Variants in DYTN observed in about 807,000 individuals in gnomAD.
DYTN encodes dystrotelin.
Under a neutral mutation model 69.6 loss-of-function variants are expected in DYTN, and 75 were observed. The ratio of observed to expected loss-of-function variants is 1.08; its 90% CI spans 0.89 to 1.31. The LOEUF (loss-of-function observed/expected upper bound fraction) is 1.31, where lower values mean the gene tolerates loss of function less well. Among genes scored for constraint, DYTN ranks in the 50% most tolerant of loss-of-function variants. DYTN has a pLI of 0.00. For missense variants in DYTN, 726 were observed against 688.4 expected, an observed-to-expected ratio of 1.05 and a Z score of -0.61; for synonymous variants, 252 against 249.1, an observed-to-expected ratio of 1.01 and a Z score of -0.11.
intron 5 of DYTN, among the ~76,000 whole-genome samples, chr2:206,703,763 A>G (rs1361910575): frequency 6.6e-6 from 1 of 152,130 alleles, no homozygotes; most frequent in Non-Finnish European, 1.5e-5. Flanking sequence ...TTGGTCCAGA[A>G]CCAAGAGAAA....
chr2:206,688,248 T>C (rs1207282792), intron 9 of DYTN, among the ~76,000 whole-genome samples: 1 of 152,224 alleles, frequency 6.6e-6, no homozygotes, highest in Non-Finnish European at 1.5e-5. Flanking sequence ...ATATATATTG[T>C]TGATTCATTA....
rs947115906 is a variant in DYTN at position 206,704,003 on chromosome 2, A to G, written c.483+840T>C. Among the ~76,000 whole-genome samples the G allele has an allele frequency of 1.8e-4, 28 of 152,256 alleles. 1 individual carries two copies. Among genetic ancestry groups the G allele is most frequent in the Non-Finnish European group, 2.5e-4 (17 of 68,052 alleles). On this transcript the variant is annotated intron_variant, in intron 5 of 11. Coordinates refer to ENST00000452335, the MANE Select transcript of DYTN (RefSeq NM_001093730.1). ...TAAAAAACATCTTTAAGGAGGTTAA[A>G]TTCCCTTGCCTAGTAAGAATAAAAA...
intron 1 of DYTN, among the ~76,000 whole-genome samples, chr2:206,712,983 G>A (rs1024012528): frequency 2.0e-5 from 3 of 152,218 alleles, no homozygotes; most frequent in African/African-American, 7.2e-5. Flanking sequence ...AGGCTGTGTA[G>A]CTTGCGAATG....
At chr2:206,715,421 G>A (rs1700117511) in intron 1 of DYTN, among the ~76,000 whole-genome samples, 2 of 152,102 alleles carry the variant, frequency 1.3e-5, no homozygotes, top group South Asian at 4.1e-4. Flanking sequence ...CCAGCTGCCC[G>A]TATATATCAG....
At chr2:206,709,551 C>T (rs749244222) in intron 2 of DYTN, among the ~76,000 whole-genome samples, 2 of 152,032 alleles carry the variant, frequency 1.3e-5, no homozygotes, top group Non-Finnish European at 2.9e-5. Context: ...GTCTTTGAAT[C>T]GTCCCACCTT....
intron 9 of DYTN, among the ~76,000 whole-genome samples, chr2:206,668,409 C>G (rs1699596928): frequency 1.3e-5 from 2 of 152,210 alleles, no homozygotes; most frequent in Admixed American, 1.3e-4. Context: ...TGGGTTGTTT[C>G]TAGTAAATAC....
At chr2:206,668,267 CCTA>C (rs1280956773) in intron 9 of DYTN, among the ~76,000 whole-genome samples, 2 of 152,226 alleles carry the variant, frequency 1.3e-5, no homozygotes. Context: ...TCCACTCTGG[CCTA>C]TCCACCAGGT....
At chr2:206,660,589 G>T (rs887925082) in intron 11 of DYTN, among the ~76,000 whole-genome samples, 4 of 152,206 alleles carry the variant, frequency 2.6e-5, no homozygotes, top group African/African-American at 9.6e-5. Context: ...AAAAGGTCAA[G>T]TGGATATTGA....
intron 11 of DYTN, among the ~76,000 whole-genome samples, chr2:206,655,417 T>G (rs1442715951): frequency 6.6e-6 from 1 of 151,888 alleles, no homozygotes; most frequent in Non-Finnish European, 1.5e-5. Flanking sequence ...AGCTAAATTT[T>G]CTTTTTCTTT....
chr2:206,689,865 T>TATTC (rs532268350), intron 9 of DYTN, among the ~76,000 whole-genome samples: 38 of 152,326 alleles, frequency 2.5e-4, no homozygotes, highest in Middle Eastern at 3.4e-3. Context: ...TACATTTTAT[T>TATTC]ATTCATTCAT....
At chr2:206,683,339 CTTTTTT>C (rs10531348) in intron 9 of DYTN, among the ~76,000 whole-genome samples, 18,423 of 111,720 alleles carry the variant, frequency 0.16, 1,199 homozygotes, top group East Asian at 0.23. Flanking sequence ...TTTACTTTTT[CTTTTTT>C]TTTTTTTTTT....
At chr2:206,667,187 G>GC (rs1328205349) in intron 9 of DYTN, among the ~76,000 whole-genome samples, 1 of 152,110 alleles carries the variant, frequency 6.6e-6, no homozygotes, top group Non-Finnish European at 1.5e-5. Flanking sequence ...AGGTGGACAA[G>GC]CCCCACAAAG....
chr2:206,666,738 C>CGTGTGT (rs56345459), intron 9 of DYTN, among the ~76,000 whole-genome samples: 3,073 of 145,716 alleles, frequency 0.021, 99 homozygotes, highest in African/African-American at 0.066. Context: ...CATGGGTGTG[C>CGTGTGT]GTGTGTGTGT....
intron 1 of DYTN, among the ~76,000 whole-genome samples, chr2:206,711,623 T>C (rs1338782807): frequency 1.3e-5 from 2 of 152,226 alleles, no homozygotes; most frequent in East Asian, 1.9e-4. Flanking sequence ...TTAGGGTACA[T>C]GTGCACAATG....
chr2:206,662,052 A>G, intron 11 of DYTN, among the ~76,000 whole-genome samples: 1 of 152,262 alleles, frequency 6.6e-6, no homozygotes, highest in East Asian at 1.9e-4. Flanking sequence ...GCTCCCAGTC[A>G]GCCACATAAT....
At chr2:206,678,135 T>C (rs1247112710) in intron 9 of DYTN, among the ~76,000 whole-genome samples, 4 of 152,170 alleles carry the variant, frequency 2.6e-5, no homozygotes, top group African/African-American at 9.7e-5. Flanking sequence ...TAAATCAAAC[T>C]GATTCATCAG....
At chr2:206,683,139 AG>A (rs1699768906) in intron 9 of DYTN, among the ~76,000 whole-genome samples, 1 of 152,180 alleles carries the variant, frequency 6.6e-6, no homozygotes, top group Non-Finnish European at 1.5e-5. Flanking sequence ...GAAAAAATTT[AG>A]GAAAATGTTT....
Position 206,663,350 on chromosome 2 carries a change from C to T in DYTN, c.1186G>A (p.Val396Met), listed in dbSNP as rs750701014. ...GAAGAATGGTCAACCTTGTTCCCCA[C>T]ATTTTGAAAGGAAGAAGATGAAGGA... ...PGPSSSSFQN[V>M]GNKVDHSSTE... The change falls in exon 11 of 12, where the codon GTG becomes ATG. Residue 396 changes from valine (V) to methionine (M), a missense_variant. Coordinates refer to ENST00000452335, the MANE Select transcript of DYTN (RefSeq NM_001093730.1). 1 of 1,611,918 alleles carries T rather than the reference C, an allele frequency of 6.2e-7. No individual in the cohort carries two copies. Among genetic ancestry groups the T allele is most frequent in the South Asian group, 1.1e-5 (1 of 90,382 alleles).
chr2:206,670,653 CAAAG>C (rs1030385586), intron 9 of DYTN: 1 of 152,072 alleles, frequency 6.6e-6, no homozygotes, highest in African/African-American at 2.4e-5. Flanking sequence ...TTATGTTTTT[CAAAG>C]AAATTCAATC....
Sources: allele counts gnomAD v4.1 joint callset (sites outside exome capture counted in the v4.1 genomes callset), GRCh38; gene constraint gnomAD v4.1.1; transcripts MANE v1.5; gene names NCBI Gene and HGNC (gene_info 2026-07-23, HGNC 2026-07-21).